The following FGGY variants were observed in gnomAD, a reference collection of about 807,000 sequenced individuals.
FGGY encodes FGGY carbohydrate kinase domain containing.
In FGGY, 72 loss-of-function variants were observed where a neutral mutation model predicts 71.3. That is an observed-to-expected ratio of 1.01 (90% CI 0.84 to 1.23). The LOEUF is 1.23. Among genes scored for constraint, FGGY ranks in the 50% most tolerant of loss-of-function variants. FGGY has a pLI of 0.00. For synonymous variants in FGGY, 251 were observed against 250.3 expected (o/e 1.00, Z -0.02); for missense variants, 668 against 682.3 (o/e 0.98, Z 0.23).
At chr1:59,693,497 C>T (rs113087207) in intron 14 of FGGY, among the ~76,000 whole-genome samples, 28 of 152,046 alleles carry the variant, frequency 1.8e-4, no homozygotes, top group African/African-American at 6.3e-4. Context: ...GCACAGGCAG[C>T]GTGTCATACA....
chr1:59,461,982 C>G (rs1480123541), intron 6 of FGGY, among the ~76,000 whole-genome samples: 2 of 151,710 alleles, frequency 1.3e-5, no homozygotes, highest in African/African-American at 2.4e-5. Context: ...CCTCCTCCCC[C>G]CACCCCACAA....
At chr1:59,494,891 A>G (rs35380363) in intron 6 of FGGY, among the ~76,000 whole-genome samples, 38,731 of 152,086 alleles carry the variant, frequency 0.25, 5,980 homozygotes, top group Middle Eastern at 0.47. Context: ...TGGTTCTTTG[A>G]GAAAGAAGTT....
chr1:59,365,323 C>G (rs1006105145), intron 4 of FGGY, among the ~76,000 whole-genome samples: 1 of 152,132 alleles, frequency 6.6e-6, no homozygotes, highest in Non-Finnish European at 1.5e-5. Flanking sequence ...GTGAGAAGGT[C>G]CCGGAGAGTG....
intron 10 of FGGY, among the ~76,000 whole-genome samples, chr1:59,628,415 A>T (rs781346568): frequency 3.9e-5 from 6 of 152,232 alleles, no homozygotes; most frequent in Non-Finnish European, 8.8e-5. Context: ...ATACTGAAGA[A>T]CTGTCCTAGA....
At chr1:59,744,901 G>A (rs2098182558) in intron 14 of FGGY, among the ~76,000 whole-genome samples, 8 of 152,194 alleles carry the variant, frequency 5.3e-5, no homozygotes, top group Admixed American at 5.2e-4. Context: ...TGAATGATAA[G>A]ACAGAGGAAA....
chr1:59,300,687 G>GT (rs35505946), intron 1 of FGGY, among the ~76,000 whole-genome samples: 32,365 of 149,712 alleles, frequency 0.22, 3,883 homozygotes, highest in East Asian at 0.4. Context: ...ATGGAATCAA[G>GT]TTTTTTTTTT....
intron 5 of FGGY, among the ~76,000 whole-genome samples, chr1:59,447,513 A>G (rs1440979770): frequency 1.3e-5 from 2 of 152,012 alleles, no homozygotes; most frequent in Non-Finnish European, 2.9e-5. Flanking sequence ...GGTGGATGCT[A>G]TGGTTTGGCT....
intron 7 of FGGY, among the ~76,000 whole-genome samples, chr1:59,538,844 G>A (rs1450374259): frequency 1.7e-5 from 2 of 118,520 alleles, no homozygotes; most frequent in African/African-American, 3.2e-5. Flanking sequence ...GGGGACTGTT[G>A]TGGGGTGGGG....
At chr1:59,595,278 C>G (rs2096506532) in intron 8 of FGGY, among the ~76,000 whole-genome samples, 2 of 151,472 alleles carry the variant, frequency 1.3e-5, no homozygotes, top group South Asian at 4.2e-4. Context: ...TAGTTGCCTT[C>G]CCTCCCTTTT....
chr1:59,541,275 G>A (rs2095436274), intron 7 of FGGY, among the ~76,000 whole-genome samples: 1 of 152,136 alleles, frequency 6.6e-6, no homozygotes, highest in African/African-American at 2.4e-5. Context: ...GATGATGGAA[G>A]GGAGAAGAAG....
intron 6 of FGGY, among the ~76,000 whole-genome samples, chr1:59,459,940 A>G (rs916529349): frequency 1.3e-5 from 2 of 152,202 alleles, no homozygotes; most frequent in Non-Finnish European, 2.9e-5. Context: ...GTATTAGCTT[A>G]TAGATCATTC....
chr1:59,637,989 A>G (rs1360843491), intron 10 of FGGY, among the ~76,000 whole-genome samples: 1 of 152,208 alleles, frequency 6.6e-6, no homozygotes, highest in Admixed American at 6.5e-5. Context: ...CCATACATCT[A>G]CTAAGAGTAA....
chr1:59,425,596 A>T (rs78113868), intron 5 of FGGY, among the ~76,000 whole-genome samples: 8,867 of 152,228 alleles, frequency 0.058, 288 homozygotes, highest in African/African-American at 0.087. Flanking sequence ...GCTCTGCCTC[A>T]TGCCTGTGTT....
chr1:59,678,469 A>G (rs2097458293), intron 14 of FGGY, among the ~76,000 whole-genome samples: 2 of 152,258 alleles, frequency 1.3e-5, no homozygotes, highest in Admixed American at 1.3e-4. Context: ...AGTTTATGAA[A>G]TATCACTATG....
At chr1:59,513,378 C>A (rs2094562622) in intron 7 of FGGY, among the ~76,000 whole-genome samples, 2 of 152,194 alleles carry the variant, frequency 1.3e-5, no homozygotes, top group South Asian at 2.1e-4. Flanking sequence ...TACTTTCAGA[C>A]ACTTCCATAC....
At position 59,690,557 on chromosome 1, in the gene FGGY, G is replaced by T. The variant is rs74087805; in HGVS notation, c.1512+16424G>T. ...CCCTACCCCCATGTGCCCATCTCTT[G>T]CACCGCCCTTAGATGTTGCCATGTT... On this transcript the variant is annotated intron_variant, in intron 14 of 15. Coordinates refer to ENST00000303721, the MANE Select transcript of FGGY (RefSeq NM_018291.5). 2.4e-3 allele frequency among the ~76,000 whole-genome samples: 363 copies of T among 152,266 alleles called. 1 individual carries two copies. The highest frequency in any genetic ancestry group is 8.4e-3 in the African/African-American group (348 of 41,562).
At chr1:59,638,013 T>C (rs563442636) in intron 10 of FGGY, among the ~76,000 whole-genome samples, 1 of 152,282 alleles carries the variant, frequency 6.6e-6, no homozygotes, top group African/African-American at 2.4e-5. Context: ...CATTCCTGGA[T>C]CCAGTCTTCT....
chr1:59,304,526 C>T (rs1038057701), intron 1 of FGGY, among the ~76,000 whole-genome samples: 3 of 151,288 alleles, frequency 2.0e-5, no homozygotes, highest in South Asian at 2.1e-4. Context: ...TTGTTCTTTC[C>T]CAAGATTGCT....
At chr1:59,392,503 G>A (rs1227369425) in intron 5 of FGGY, among the ~76,000 whole-genome samples, 2 of 152,108 alleles carry the variant, frequency 1.3e-5, no homozygotes, top group Non-Finnish European at 2.9e-5. Context: ...GATTTATTTA[G>A]TACTTCCCAG....
Sources: gnomAD v4.1 joint callset for allele counts (sites outside exome capture counted in the v4.1 genomes callset) on GRCh38, gnomAD v4.1.1 for gene constraint, MANE v1.5 for transcripts, NCBI Gene and HGNC (gene_info 2026-07-23, HGNC 2026-07-21) for gene names.